LETM2: variants seen among roughly 807,000 people sequenced by gnomAD.
LETM2 encodes the protein leucine zipper and EF-hand containing transmembrane protein 2, also known as LETM1 domain-containing protein LETM2, mitochondrial.
A neutral mutation model predicts 59.6 loss-of-function variants in LETM2; 58 were observed. That is an observed-to-expected ratio of 0.97 (90% CI 0.79 to 1.21). LETM2 has a LOEUF of 1.21. LETM2 is among the 50% of genes most tolerant of loss of function. The pLI is 0.00. For synonymous variants in LETM2, 199 were observed against 214.1 expected, an observed-to-expected ratio of 0.93 and a Z score of 0.62; for missense variants, 572 against 575.7, an observed-to-expected ratio of 0.99 and a Z score of 0.07.
chr8:38,408,063 C>T, intron 10 of LETM2, 149 bp from the exon 11 acceptor site: 3 of 620,174 alleles, frequency 4.8e-6, no homozygotes, highest in Non-Finnish European at 5.7e-6. Flanking sequence ...TTTTGTAAAT[C>T]TCCTTTATCT....
Position 38,400,396 on chromosome 8 carries a change from C to T in LETM2, c.770C>T (p.Ser257Phe), listed in dbSNP as rs147828005. 3 of 1,585,944 alleles carry T rather than the reference C, an allele frequency of 1.9e-6. No individual in the cohort carries two copies. The highest frequency in any genetic ancestry group is 1.2e-5 in the South Asian group (1 of 84,670). ...GGCGATGCCTCTACACAGCTCTCAT[C>T]CTACGTGAAGCAGGTGTCCATCTTT... ...KMGDASTQLS[S>F]YVKQVQTGHK... is the part of the protein sequence containing the mutation. Residue 257 changes from serine (S) to phenylalanine (F), a missense_variant, in exon 5 of 11, where the codon TCC becomes TTC. By Grantham distance (155) the Ser-to-Phe change is radical (BLOSUM62 -2). Coordinates refer to ENST00000379957, the MANE Select transcript of LETM2 (RefSeq NM_001286819.2).
chr8:38,386,646 G>T (rs1225157769), intron 1 of LETM2, 78 bp downstream of exon 1: 1 of 152,206 alleles, frequency 6.6e-6, no homozygotes. Flanking sequence ...ATCCCGCTCG[G>T]TCCGCATCCT....
At chr8:38,386,212 A>T (rs1198165424), upstream of LETM2, 1 of 152,234 alleles carries the variant, frequency 6.6e-6, no homozygotes, top group Non-Finnish European at 1.5e-5. Context: ...TGTTTAATCC[A>T]GTCTTCAATC....
Position 38,400,392 on chromosome 8 carries a change from T to G in LETM2, c.766T>G (p.Ser256Ala), listed in dbSNP as rs769676111. The change falls in exon 5 of 11, where the codon TCA becomes GCA. Residue 256 changes from serine to alanine, a missense_variant. Transcript: ENST00000379957. ...AKMGDASTQLSSYVKQVQTGH... is the reference protein window; with the variant it reads ...AKMGDASTQLASYVKQVQTGH... Reference sequence around the variant, plus strand: ...GATGGGCGATGCCTCTACACAGCTCTCATCCTACGTGAAGCAGGTGTCCAT... The same window carrying G: ...GATGGGCGATGCCTCTACACAGCTCGCATCCTACGTGAAGCAGGTGTCCAT... 4 of 1,588,466 alleles carry G rather than the reference T, an allele frequency of 2.5e-6. No individual in the cohort carries two copies. The highest frequency in any genetic ancestry group is 1.2e-5 in the South Asian group (1 of 84,950).
intron 5 of LETM2, 89 bp downstream of exon 5, chr8:38,400,498 C>T: frequency 7.8e-7 from 1 of 1,279,060 alleles, no homozygotes; most frequent in Non-Finnish European, 1.1e-6. Context: ...AAATTGTTCA[C>T]CATCTTTGGA....
chr8:38,407,959 T>C (rs544369640), intron 10 of LETM2: 113 of 465,654 alleles, frequency 2.4e-4, no homozygotes, highest in African/African-American at 1.5e-3. Flanking sequence ...GTGGCTCCTG[T>C]GGACCAAAGA....
At position 38,407,420 on chromosome 8, in the gene LETM2, C is replaced by A. The variant is rs757157302; in HGVS notation, c.1370C>A (p.Pro457His). The change falls in exon 10 of 11, where the codon CCT (proline) becomes CAT (histidine). Residue 457 changes from proline to histidine, a missense_variant. Physicochemically the swap from Pro to His is moderately conservative, Grantham distance 77. Transcript: ENST00000379957. The stretch of plus-strand genomic sequence containing the variant: ...TCATCACCCATAACACCATCAACAC[C>A]TATTTCATTACCTAAAGGACCCATC... ...VTSSPITPST[P>H]ISLPKGPITS... 9.9e-6 allele frequency: 16 copies of A among 1,613,260 alleles called. No individual in the cohort carries two copies. Among genetic ancestry groups the A allele is most frequent in the Non-Finnish European group, 1.3e-5 (15 of 1,179,416 alleles).
chr8:38,389,137 C>G (rs1448642264), intron 2 of LETM2, among the ~76,000 whole-genome samples: 1 of 152,128 alleles, frequency 6.6e-6, no homozygotes, highest in Non-Finnish European at 1.5e-5. Context: ...AGATGTAAAG[C>G]GAGTAAAATG....
Position 38,408,133 on chromosome 8 carries a change from GAAAAC to G in LETM2, c.1414-74_1414-70del, listed in dbSNP as rs1245766736. 5.4e-5 allele frequency: 58 copies of G among 1,069,326 alleles called. 1 individual carries two copies. The highest frequency in any genetic ancestry group is 5.3e-5 in the Non-Finnish European group (38 of 722,516). The allele number at this position is 1,069,326 out of a possible 1,614,324, so 66.2% of individuals were successfully genotyped here. A position where few individuals can be genotyped will look rare whatever the true frequency, so the allele number is the denominator to read the frequency against. On this transcript the variant is annotated intron_variant, in intron 10 of 10. Transcript: ENST00000379957. Reference sequence around the variant, plus strand: ...ACTTTGTGGTCACTATTTTGATTAAGAAAACAAAAATAGCATTCACTCCTTAAGAA... The same window carrying G: ...ACTTTGTGGTCACTATTTTGATTAAGAAAAATAGCATTCACTCCTTAAGAA...
At chr8:38,404,153 A>C (rs1191658012) in intron 7 of LETM2, among the ~76,000 whole-genome samples, 1 of 152,194 alleles carries the variant, frequency 6.6e-6, no homozygotes, top group Non-Finnish European at 1.5e-5. Context: ...TTGAGAGTTT[A>C]ATTGAATTCT....
In LETM2 at chr8:38,400,130, C is replaced by A. The variant is rs547246525; in HGVS notation, c.646-142C>A. 2.8e-5 allele frequency: 16 copies of A among 577,216 alleles called. No homozygotes were observed. The East Asian group carries it at 4.3e-4, about 15-fold the overall frequency. The allele number at this position is 577,216 out of a possible 1,614,324, so 35.8% of individuals were successfully genotyped here. ...TTTTTACTTGCTCTGGTCTCACAAA[C>A]CCATTCATCTATGCCTGAGAATCAC... On this transcript the variant is annotated intron_variant, in intron 4 of 10. Coordinates refer to ENST00000379957, the MANE Select transcript of LETM2 (RefSeq NM_001286819.2).
At chr8:38,404,648 A>G (rs1813562636) in intron 8 of LETM2, 142 bp downstream of exon 8, 4 of 611,988 alleles carry the variant, frequency 6.5e-6, no homozygotes, top group Middle Eastern at 5.5e-4. Context: ...GTGTTTTAAA[A>G]ATTTCTAAAA....
rs1031192670 is a variant in LETM2 at position 38,388,084 on chromosome 8, T to C, written c.47+54T>C. 3.1e-4 allele frequency: 361 copies of C among 1,155,604 alleles called. 1 individual carries two copies. The highest frequency in any genetic ancestry group is 1.5e-3 in the African/African-American group (93 of 63,274). 71.6% of individuals were successfully genotyped at this position (1,155,604 alleles called of 1,614,324 possible). On this transcript the variant is annotated intron_variant, in intron 2 of 10. Transcript: ENST00000379957. ...AACGTAATTCTTCTTCTTCTTCTTT[T>C]TTTTTTTTTTTTCTGAGATGGAGTC...
intron 4 of LETM2, among the ~76,000 whole-genome samples, chr8:38,396,160 A>T (rs1400198122): frequency 1.3e-5 from 2 of 149,036 alleles, no homozygotes; most frequent in Non-Finnish European, 3.0e-5. Flanking sequence ...TTATTTTTTT[A>T]TTTATTTATT....
intron 2 of LETM2, among the ~76,000 whole-genome samples, chr8:38,388,377 G>T (rs544016480): frequency 1.5e-4 from 22 of 151,634 alleles, no homozygotes; most frequent in Admixed American, 1.2e-3. Flanking sequence ...ACCTCGCCTG[G>T]CCTGAATTTC....
intron 7 of LETM2, among the ~76,000 whole-genome samples, chr8:38,402,883 T>C (rs1424231379): frequency 6.6e-6 from 1 of 152,212 alleles, no homozygotes; most frequent in Non-Finnish European, 1.5e-5. Flanking sequence ...AACACTGGTA[T>C]ATTAGCTCAC....
At chr8:38,400,784 A>G in intron 5 of LETM2, 69 bp from the exon 6 acceptor site, 1 of 1,364,132 alleles carries the variant, frequency 7.3e-7, no homozygotes, top group Non-Finnish European at 1.0e-6. Flanking sequence ...TCTCTTTCAA[A>G]TAGCCTATTG....
intron 6 of LETM2, among the ~76,000 whole-genome samples, 177 bp downstream of exon 6, chr8:38,401,230 G>A (rs948671104): frequency 6.6e-6 from 1 of 152,072 alleles, no homozygotes. Context: ...TCCACCTCCC[G>A]GGTTCAAGTG....
intron 4 of LETM2, among the ~76,000 whole-genome samples, chr8:38,395,815 C>A (rs886448780): frequency 6.6e-6 from 1 of 152,144 alleles, no homozygotes; most frequent in African/African-American, 2.4e-5. Flanking sequence ...TGCATCCAGC[C>A]CTTCGGTTGA....
Sources: gnomAD v4.1 joint callset for allele counts (sites outside exome capture counted in the v4.1 genomes callset) on GRCh38, gnomAD v4.1.1 for gene constraint, MANE v1.5 for transcripts, NCBI Gene and HGNC (gene_info 2026-07-23, HGNC 2026-07-21) for gene names.